GRID1: variants seen among roughly 807,000 people sequenced by gnomAD.
The protein encoded by GRID1 is glutamate receptor ionotropic, delta-1.
Under a neutral mutation model 98.0 loss-of-function variants are expected in GRID1, and 28 were observed. The ratio of observed to expected loss-of-function variants is 0.29; its 90% confidence interval spans 0.21 to 0.39. GRID1 has a LOEUF of 0.39. Ranked by LOEUF, GRID1 falls within the 10% of genes least tolerant of loss-of-function variation. GRID1 has a pLI of 1.00. For synonymous variants in GRID1, 553 were observed against 538.5 expected (o/e 1.03, Z -0.37); for missense variants, 1,111 against 1,340.5 (o/e 0.83, Z 2.67).
chr10:86,206,727 C>A lies in GRID1; in HGVS notation c.236-79G>T. ...CAGCTTCAACCTGCAGGCCCCATGC[C>A]TGGCAGCTCATGCCCAGGACTCCCA... On this transcript the variant is annotated intron_variant, in intron 2 of 15. Transcript: ENST00000327946. This position sits in a 1 kb window ranked among gnomAD's most constrained non-coding sequence, Gnocchi z 4.1. 1 of 1,373,798 alleles carries A rather than the reference C, an allele frequency of 7.3e-7. No homozygotes were observed. The highest frequency in any genetic ancestry group is 1.0e-6 in the Non-Finnish European group (1 of 999,418). The allele number at this position is 1,373,798 out of a possible 1,614,324, so 85.1% of individuals were successfully genotyped here. A position where few individuals can be genotyped will look rare whatever the true frequency, so the allele number is the denominator to read the frequency against.
At chr10:85,762,212 G>A (rs985197206) in intron 8 of GRID1, among the ~76,000 whole-genome samples, 3 of 152,142 alleles carry the variant, frequency 2.0e-5, no homozygotes, top group African/African-American at 4.8e-5. Flanking sequence ...CAGTGATGTC[G>A]ATGAAATGCA....
At chr10:86,137,411 AC>A (rs1211706643) in intron 4 of GRID1, among the ~76,000 whole-genome samples, 2 of 152,074 alleles carry the variant, frequency 1.3e-5, no homozygotes, top group African/African-American at 4.8e-5. Context: ...TAGTCTTTCC[AC>A]CCCCAAGCTT....
At chr10:85,650,053 C>T (rs1235966945) in intron 12 of GRID1, 1 of 152,170 alleles carries the variant, frequency 6.6e-6, no homozygotes, top group Non-Finnish European at 1.5e-5. Flanking sequence ...TTATGGAAGG[C>T]TATCTGGGGT....
At chr10:85,905,806 G>A (rs994183257) in intron 5 of GRID1, among the ~76,000 whole-genome samples, 3 of 151,902 alleles carry the variant, frequency 2.0e-5, no homozygotes, top group Admixed American at 6.6e-5. Flanking sequence ...TAAAAAATTC[G>A]CAATTCACCC....
chr10:85,806,928 G>C (rs1233397705), intron 8 of GRID1, among the ~76,000 whole-genome samples: 1 of 151,908 alleles, frequency 6.6e-6, no homozygotes, highest in Non-Finnish European at 1.5e-5. Context: ...TTTAATATTT[G>C]TAAATTACAT....
rs568685635 is a variant in GRID1, at chr10:85,876,735, A to C, written c.781-7555T>G. Among the ~76,000 whole-genome samples the C allele has an allele frequency of 2.0e-4, 30 of 152,298 alleles. No individual in the cohort carries two copies. The Middle Eastern group carries it at 0.01, about 52-fold the overall frequency. ...TCTGGGGTACCGGGTTCATCTCACTAGGGAGTGCCAGACAGTGGGTGCAGG... is the reference window on the plus strand; with the variant it reads ...TCTGGGGTACCGGGTTCATCTCACTCGGGAGTGCCAGACAGTGGGTGCAGG... On this transcript the variant is annotated intron_variant, in intron 5 of 15. Transcript: ENST00000327946.
chr10:85,623,790 C>T (rs534152537), intron 13 of GRID1, among the ~76,000 whole-genome samples: 1 of 152,190 alleles, frequency 6.6e-6, no homozygotes, highest in Admixed American at 6.5e-5. Context: ...TTTCAGAGAT[C>T]TTTCACATTA....
At chr10:85,895,016 A>ATATATATAT (rs1554838331) in intron 5 of GRID1, among the ~76,000 whole-genome samples, 17 of 97,106 alleles carry the variant, frequency 1.8e-4, no homozygotes, top group African/African-American at 3.5e-4. Flanking sequence ...AAAAAAAAAA[A>ATATATATAT]ATATATATAT....
chr10:85,778,248 G>A (rs547880525), intron 8 of GRID1, among the ~76,000 whole-genome samples: 1 of 152,082 alleles, frequency 6.6e-6, no homozygotes, highest in Non-Finnish European at 1.5e-5. Context: ...TGGCACACCT[G>A]CTAGACAAGC....
intron 8 of GRID1, among the ~76,000 whole-genome samples, chr10:85,854,274 A>G (rs1054681828): frequency 2.0e-5 from 3 of 152,288 alleles, no homozygotes; most frequent in South Asian, 2.1e-4. Context: ...GCTCTACTCA[A>G]AGAGACTCCA....
intron 4 of GRID1, among the ~76,000 whole-genome samples, chr10:85,992,835 T>G (rs1014223684): frequency 5.3e-5 from 8 of 152,004 alleles, no homozygotes; most frequent in Admixed American, 4.6e-4. Flanking sequence ...GCACCTGTAG[T>G]CTCAGCAACT....
chr10:85,829,562 T>C (rs1842849744), intron 8 of GRID1, among the ~76,000 whole-genome samples: 1 of 152,088 alleles, frequency 6.6e-6, no homozygotes, highest in South Asian at 2.1e-4. Context: ...CCATAGTCTC[T>C]CCCAAATGTT....
intron 4 of GRID1, among the ~76,000 whole-genome samples, chr10:85,975,982 G>T (rs1026910075): frequency 6.6e-6 from 1 of 152,102 alleles, no homozygotes; most frequent in Non-Finnish European, 1.5e-5. Flanking sequence ...CCCCAGGAGA[G>T]CTCACCTATG....
At chr10:86,108,227 C>A (rs1392186250) in intron 4 of GRID1, among the ~76,000 whole-genome samples, 4 of 152,174 alleles carry the variant, frequency 2.6e-5, no homozygotes, top group African/African-American at 9.7e-5. Context: ...CGAGCCACAC[C>A]CCCATCGCAC....
At chr10:86,139,225 GCTGA>G (rs1420766517) in intron 3 of GRID1, among the ~76,000 whole-genome samples, 2 of 152,132 alleles carry the variant, frequency 1.3e-5, no homozygotes, top group African/African-American at 2.4e-5. Context: ...TCCAGCCCTG[GCTGA>G]CTGTCTCCCC....
At chr10:86,304,017 C>T (rs1465843858) in intron 2 of GRID1, among the ~76,000 whole-genome samples, 1 of 152,224 alleles carries the variant, frequency 6.6e-6, no homozygotes, top group African/African-American at 2.4e-5. Context: ...ATCATTTCCT[C>T]CCCTCCAGCT....
At chr10:86,160,910 C>T (rs577713185) in intron 3 of GRID1, among the ~76,000 whole-genome samples, 1 of 152,366 alleles carries the variant, frequency 6.6e-6, no homozygotes, top group East Asian at 1.9e-4. Flanking sequence ...AGCACACGCT[C>T]AGTGTGCTGG....
chr10:86,071,441 C>T (rs1282054020), intron 4 of GRID1, among the ~76,000 whole-genome samples: 3 of 152,238 alleles, frequency 2.0e-5, no homozygotes, highest in Middle Eastern at 3.2e-3. Context: ...CACAAAACTG[C>T]GTCCACAATA....
chr10:85,660,378 C>T (rs1268889353), intron 12 of GRID1, among the ~76,000 whole-genome samples: 2 of 152,162 alleles, frequency 1.3e-5, no homozygotes, highest in African/African-American at 2.4e-5. Flanking sequence ...CAAAACATCC[C>T]GCTACAGAAC....
Sources: allele counts gnomAD v4.1 joint callset (sites outside exome capture counted in the v4.1 genomes callset), GRCh38; gene constraint gnomAD v4.1.1; non-coding constraint Gnocchi (gnomAD v3.1); transcripts MANE v1.5; gene names NCBI Gene and HGNC (gene_info 2026-07-23, HGNC 2026-07-21).